Variants in MINDY2 observed in about 807,000 individuals in gnomAD.
The protein encoded by MINDY2 is ubiquitin carboxyl-terminal hydrolase MINDY-2.
Under a neutral mutation model 68.2 loss-of-function variants are expected in MINDY2, and 52 were observed. The observed-to-expected ratio is 0.76, with a 90% CI of 0.61 to 0.96. The LOEUF (loss-of-function observed/expected upper bound fraction) is 0.96. Ranked by LOEUF, MINDY2 falls within the 40% of genes least tolerant of loss-of-function variation. The probability of loss-of-function intolerance (pLI) is 0.00; values close to 1 mark genes in which losing one functional copy is unlikely to be tolerated. For synonymous variants in MINDY2, 372 were observed against 303.0 expected (o/e 1.23, Z -2.36); for missense variants, 881 against 773.4 (o/e 1.14, Z -1.65).
chr15:58,782,545 G>C (rs557227296), intron 1 of MINDY2, among the ~76,000 whole-genome samples: 1 of 152,188 alleles, frequency 6.6e-6, no homozygotes, highest in Admixed American at 6.5e-5. Flanking sequence ...AGAGTTTCCT[G>C]AGCCTTAGAG....
At chr15:58,845,105 A>G (rs571890786) in intron 6 of MINDY2, among the ~76,000 whole-genome samples, 1 of 152,038 alleles carries the variant, frequency 6.6e-6, no homozygotes, top group African/African-American at 2.4e-5. Flanking sequence ...ACATTTCTCC[A>G]AAGAAGTCAT....
rs187915913 is a variant in MINDY2 at position 58,814,307 on chromosome 15, A to G, written c.1122+3919A>G. Among the ~76,000 whole-genome samples the G allele has an allele frequency of 5.5e-4, 83 of 152,114 alleles. 1 individual carries two copies. The highest frequency in any genetic ancestry group is 1.0e-3 in the Non-Finnish European group (69 of 67,994). ...TGATGTGCTTGTTTGCCATTTGCATATTCTTTTTAGTAAAATGTCTCTTCA... is the reference window on the plus strand; with the variant it reads ...TGATGTGCTTGTTTGCCATTTGCATGTTCTTTTTAGTAAAATGTCTCTTCA... On this transcript the variant is annotated intron_variant, in intron 4 of 8. Coordinates refer to ENST00000559228, the MANE Select transcript of MINDY2 (RefSeq NM_001040450.3).
At chr15:58,817,439 T>A (rs1317406499) in intron 4 of MINDY2, among the ~76,000 whole-genome samples, 3 of 152,174 alleles carry the variant, frequency 2.0e-5, no homozygotes. Context: ...AGTCTGATGG[T>A]ATTACGTTGG....
chr15:58,777,429 G>A (rs568547005), intron 1 of MINDY2, among the ~76,000 whole-genome samples: 6 of 152,256 alleles, frequency 3.9e-5, no homozygotes, highest in African/African-American at 9.6e-5. Context: ...TAAGGACTGA[G>A]TTGAAAGTAT....
intron 2 of MINDY2, among the ~76,000 whole-genome samples, chr15:58,791,025 A>C (rs533752982): frequency 6.6e-6 from 1 of 151,380 alleles, no homozygotes; most frequent in Non-Finnish European, 1.5e-5. Context: ...TAAAAAATAC[A>C]AAAAATTAGC....
rs569960357 is a variant in MINDY2, at chr15:58,787,308, T to C, written c.841-598T>C. On this transcript the variant is annotated intron_variant, in intron 1 of 8. Transcript: ENST00000559228. ...TGTGCCCAGCCCATTTCTTTACTTC[T>C]TAATAGTTTTATCTCCTATGTGTGC... 4.6e-5 allele frequency among the ~76,000 whole-genome samples: 7 copies of C among 152,188 alleles called. No individual in the cohort carries two copies. In the East Asian group the frequency reaches 1.4e-3, roughly 29 times the overall value.
chr15:58,797,282 A>C (rs1371801225), intron 2 of MINDY2, among the ~76,000 whole-genome samples: 1 of 152,194 alleles, frequency 6.6e-6, no homozygotes, highest in Admixed American at 6.5e-5. Context: ...TGAGGCAGGC[A>C]GATCACTTGA....
Position 58,790,588 on chromosome 15 carries a change from T to C in MINDY2, c.898+2625T>C, listed in dbSNP as rs347116. ...CATTTATGTTGACAATAGACCTTAGTGGGGGGTAAGACAAGTGGGAAAACT... is the reference window on the plus strand; with the variant it reads ...CATTTATGTTGACAATAGACCTTAGCGGGGGGTAAGACAAGTGGGAAAACT... On this transcript the variant is annotated intron_variant, in intron 2 of 8. Transcript: ENST00000559228. Among the ~76,000 whole-genome samples the C allele has an allele frequency of 3.3e-3, 494 of 151,078 alleles. 2 individuals carry two copies. The highest frequency in any genetic ancestry group is 0.011 in the African/African-American group (468 of 40,912).
In MINDY2 at chr15:58,856,928, A is replaced by G. The variant is rs553960807; in HGVS notation, c.*2318A>G. On this transcript the variant is annotated 3_prime_UTR_variant, in exon 9 of 9. Transcript: ENST00000559228. ...GTTACTATCTTCTTAATTTGTTCCA[A>G]AGAAAATGCTGCCATACTGCATTCC... 15 of 152,350 alleles carry G rather than the reference A, an allele frequency of 9.8e-5. No homozygotes were observed. Among genetic ancestry groups the G allele is most frequent in the African/African-American group, 3.6e-4 (15 of 41,582 alleles). 9.4% of individuals were successfully genotyped at this position (152,350 alleles called of 1,614,324 possible).
At chr15:58,789,630 G>C (rs1901750915) in intron 2 of MINDY2, among the ~76,000 whole-genome samples, 1 of 150,658 alleles carries the variant, frequency 6.6e-6, no homozygotes, top group African/African-American at 2.4e-5. Flanking sequence ...GCTAATTTTT[G>C]GGTTTTTGGT....
chr15:58,829,964 C>T (rs1423503320), intron 5 of MINDY2, among the ~76,000 whole-genome samples: 1 of 152,150 alleles, frequency 6.6e-6, no homozygotes, highest in Non-Finnish European at 1.5e-5. Flanking sequence ...TTTCATACCA[C>T]AGATTTATCT....
chr15:58,773,987 A>T (rs1900605638), intron 1 of MINDY2, among the ~76,000 whole-genome samples: 1 of 152,210 alleles, frequency 6.6e-6, no homozygotes, highest in South Asian at 2.1e-4. Flanking sequence ...CAGAGTCCCT[A>T]ATCTTTTTTG....
chr15:58,858,339 C>T lies in MINDY2; in HGVS notation c.*3729C>T, dbSNP rs532227831. ...CTTTATCATATTTCAAGTTCTTTCTCATACTTCTTGATCTTGGCTTAACTA... is the reference window on the plus strand; with the variant it reads ...CTTTATCATATTTCAAGTTCTTTCTTATACTTCTTGATCTTGGCTTAACTA... On this transcript the variant is annotated 3_prime_UTR_variant, in exon 9 of 9. Transcript: ENST00000559228. 2 of 152,136 alleles carry T rather than the reference C, an allele frequency of 1.3e-5. No individual in the cohort carries two copies. The highest frequency in any genetic ancestry group is 2.4e-5 in the African/African-American group (1 of 41,436). 9.4% of individuals were successfully genotyped at this position (152,136 alleles called of 1,614,324 possible). A position where few individuals can be genotyped will look rare whatever the true frequency, so the allele number is the denominator to read the frequency against.
At chr15:58,793,929 G>A (rs1303322255) in intron 2 of MINDY2, among the ~76,000 whole-genome samples, 2 of 152,116 alleles carry the variant, frequency 1.3e-5, no homozygotes, top group Non-Finnish European at 2.9e-5. Context: ...TTACCTTTGA[G>A]GTTAGTGAAA....
rs1595791215 is a variant in MINDY2 at position 58,854,808 on chromosome 15, C to A, written c.*198C>A. On this transcript the variant is annotated 3_prime_UTR_variant, in exon 9 of 9. Coordinates refer to ENST00000559228, the MANE Select transcript of MINDY2 (RefSeq NM_001040450.3). ...ATACACTCTTTATGAGCTGGAGTTTCATGTTACAAGTTGGAAATGCTGTGT... is the reference window on the plus strand; with the variant it reads ...ATACACTCTTTATGAGCTGGAGTTTAATGTTACAAGTTGGAAATGCTGTGT... 1 of 438,390 alleles carries A rather than the reference C, an allele frequency of 2.3e-6. No individual in the cohort carries two copies. 27.2% of individuals were successfully genotyped at this position (438,390 alleles called of 1,614,324 possible).
intron 5 of MINDY2, among the ~76,000 whole-genome samples, chr15:58,831,041 G>GTGTGTATATATATATATATATATA (rs565786025): frequency 1.2e-3 from 154 of 124,850 alleles, no homozygotes; most frequent in African/African-American, 3.4e-3. Flanking sequence ...GTGTGTGTGT[G>GTGTGTATATATATATATATATATA]TATATATATA....
intron 1 of MINDY2, among the ~76,000 whole-genome samples, chr15:58,787,514 G>C (rs1354462823): frequency 6.6e-6 from 1 of 151,958 alleles, no homozygotes; most frequent in African/African-American, 2.4e-5. Context: ...GAGGCAGGTG[G>C]ATCAGAAGGT....
At chr15:58,817,739 AAAT>A (rs2030789871) in intron 4 of MINDY2, 1 of 152,158 alleles carries the variant, frequency 6.6e-6, no homozygotes, top group Admixed American at 6.5e-5. Context: ...AAAAATAAAA[AAAT>A]AAAAGTTTGA....
At position 58,771,766 on chromosome 15, in the gene MINDY2, G is replaced by T. The variant is rs770102832; in HGVS notation, c.371G>T (p.Gly124Val). 5 of 1,610,974 alleles carry T rather than the reference G, an allele frequency of 3.1e-6. No homozygotes were observed. The highest frequency in any genetic ancestry group is 3.4e-6 in the Non-Finnish European group (4 of 1,179,306). ...GTGGCCGGAGTGGGTCATGAGTTGG[G>T]TACCGCCGGAGACGCGGGAGCCCGC... Reference protein sequence around the residue: ...TAVAGVGHELGTAGDAGARPD... With the variant: ...TAVAGVGHELVTAGDAGARPD... Residue 124 changes from glycine (G) to valine (V), a missense_variant, in exon 1 of 9, where the codon GGT becomes GTT. Coordinates refer to ENST00000559228, the MANE Select transcript of MINDY2 (RefSeq NM_001040450.3).
Sources: gnomAD v4.1 joint callset for allele counts (sites outside exome capture counted in the v4.1 genomes callset) on GRCh38, gnomAD v4.1.1 for gene constraint, MANE v1.5 for transcripts, NCBI Gene and HGNC (gene_info 2026-07-23, HGNC 2026-07-21) for gene names.